DOCK2: variants seen among roughly 807,000 people sequenced by gnomAD.
DOCK2 encodes the protein dedicator of cytokinesis 2, also known as dedicator of cytokinesis protein 2.
Under a neutral mutation model 248.9 loss-of-function variants are expected in DOCK2, and 87 were observed. The observed-to-expected ratio is 0.35, with a 90% CI of 0.29 to 0.42. The LOEUF is 0.42. DOCK2 is among the 10% of genes least tolerant of loss of function. DOCK2 has a pLI of 1.00. For missense variants in DOCK2, 1,747 were observed against 2,300.2 expected, an observed-to-expected ratio of 0.76 and a Z score of 4.92; for synonymous variants, 805 against 821.6, an observed-to-expected ratio of 0.98 and a Z score of 0.35.
chr5:169,761,667 A>G lies in DOCK2; in HGVS notation c.2554+42A>G, dbSNP rs202159718. ...CTTGCTGGGGTGGGGTAAGGGGCCA[A>G]TAAACCCCACATCATTTTGGGGAAG... is the stretch of plus-strand genomic sequence containing the variant. On this transcript the variant is annotated intron_variant, in intron 25 of 51. Transcript: ENST00000520908. The G allele has an allele frequency of 6.5e-6, 10 of 1,546,222 alleles. No homozygotes were observed. In the East Asian group the frequency reaches 2.2e-4, roughly 35 times the overall value.
intron 25 of DOCK2, among the ~76,000 whole-genome samples, chr5:169,778,387 T>C (rs1042072732): frequency 6.6e-6 from 1 of 152,156 alleles, no homozygotes; most frequent in Non-Finnish European, 1.5e-5. Context: ...CTTATAAATA[T>C]TGGTTGGGCT....
chr5:169,738,221 T>G (rs1250392629), intron 22 of DOCK2, among the ~76,000 whole-genome samples: 2 of 152,190 alleles, frequency 1.3e-5, no homozygotes, highest in Admixed American at 1.3e-4. Flanking sequence ...CTTAGGAATT[T>G]TTAAAGGATT....
At chr5:170,036,232 C>T (rs1756318833) in intron 35 of DOCK2, among the ~76,000 whole-genome samples, 2 of 152,290 alleles carry the variant, frequency 1.3e-5, no homozygotes, top group East Asian at 1.9e-4. Context: ...CTCAATGCAG[C>T]AAAACACTGA....
chr5:169,922,575 A>T lies in DOCK2; in HGVS notation c.2800-60493A>T, dbSNP rs540411821. On this transcript the variant is annotated intron_variant, in intron 27 of 51. Coordinates refer to ENST00000520908, the MANE Select transcript of DOCK2 (RefSeq NM_004946.3). ...GAAAAATAACCGTTAATGGTTGAGG[A>T]TTTGCAGTTTAGAGAATATCACCTA... 3.9e-5 allele frequency among the ~76,000 whole-genome samples: 6 copies of T among 152,314 alleles called. No individual in the cohort carries two copies. The East Asian group carries it at 1.2e-3, about 29-fold the overall frequency.
intron 27 of DOCK2, among the ~76,000 whole-genome samples, chr5:169,847,769 T>C (rs1770399178): frequency 6.6e-6 from 1 of 152,198 alleles, no homozygotes. Flanking sequence ...ATGCAGAAGC[T>C]ACACATTGGC....
At position 169,857,939 on chromosome 5, in the gene DOCK2, C is replaced by T. The variant is rs570860666; in HGVS notation, c.2799+17087C>T. 8.4e-4 allele frequency among the ~76,000 whole-genome samples: 127 copies of T among 152,048 alleles called. 1 individual carries two copies. Among genetic ancestry groups the T allele is most frequent in the South Asian group, 7.7e-3 (37 of 4,802 alleles). On this transcript the variant is annotated intron_variant, in intron 27 of 51. Coordinates refer to ENST00000520908, the MANE Select transcript of DOCK2 (RefSeq NM_004946.3). ...TGATAAGTGTTAAGTTTCTGAAGATCCTTTTGGTTTTGGTGGGGAGCAGAA... is the reference window on the plus strand; with the variant it reads ...TGATAAGTGTTAAGTTTCTGAAGATTCTTTTGGTTTTGGTGGGGAGCAGAA...
At chr5:169,981,981 A>G (rs549447290) in intron 27 of DOCK2, among the ~76,000 whole-genome samples, 22 of 151,848 alleles carry the variant, frequency 1.4e-4, no homozygotes, top group Non-Finnish European at 2.6e-4. Context: ...TCTTCAAGGT[A>G]TGCCTGTATA....
chr5:169,842,772 A>G (rs1218229813), intron 27 of DOCK2, among the ~76,000 whole-genome samples: 2 of 152,140 alleles, frequency 1.3e-5, no homozygotes, highest in Non-Finnish European at 2.9e-5. Flanking sequence ...TAAGTGCTGT[A>G]TATTATTATT....
chr5:169,917,762 T>C (rs1402612254), intron 27 of DOCK2, among the ~76,000 whole-genome samples: 1 of 152,132 alleles, frequency 6.6e-6, no homozygotes, highest in Admixed American at 6.6e-5. Context: ...CAGAAAGGGA[T>C]TTTTTCTGGC....
intron 30 of DOCK2, among the ~76,000 whole-genome samples, chr5:169,996,860 G>T (rs537929114): frequency 5.3e-5 from 8 of 152,320 alleles, no homozygotes; most frequent in African/African-American, 1.4e-4. Flanking sequence ...TGGAATGATG[G>T]TGTTTTTTCC....
chr5:169,718,505 T>A, intron 21 of DOCK2, 152 bp from the exon 22 acceptor site: 1 of 753,746 alleles, frequency 1.3e-6, no homozygotes, highest in Non-Finnish European at 1.9e-6. Context: ...AAATATAATT[T>A]TTATGCAGAG....
intron 27 of DOCK2, among the ~76,000 whole-genome samples, chr5:169,981,377 T>C (rs1777930965): frequency 6.6e-6 from 1 of 152,228 alleles, no homozygotes; most frequent in African/African-American, 2.4e-5. Flanking sequence ...GCTTCACAGA[T>C]ACCTGTTTTT....
chr5:169,861,717 T>C (rs570394160), intron 27 of DOCK2, among the ~76,000 whole-genome samples: 7 of 152,290 alleles, frequency 4.6e-5, no homozygotes, highest in Admixed American at 3.9e-4. Context: ...GTTTTAAACA[T>C]AGAGACGACC....
At chr5:170,025,587 G>T (rs1200075078) in intron 33 of DOCK2, among the ~76,000 whole-genome samples, 1 of 152,136 alleles carries the variant, frequency 6.6e-6, no homozygotes, top group Non-Finnish European at 1.5e-5. Context: ...ATTTCTTCCT[G>T]CTCTAGGCTT....
intron 26 of DOCK2, among the ~76,000 whole-genome samples, chr5:169,836,969 T>G (rs386705): frequency 6.6e-6 from 1 of 151,960 alleles, no homozygotes; most frequent in Non-Finnish European, 1.5e-5. Context: ...TCAGTAGTTT[T>G]GCACTGCATT....
rs79605350 is a variant in DOCK2, at chr5:169,882,986, A to C, written c.2799+42134A>C. The stretch of plus-strand genomic sequence containing the variant: ...GAGGGGGAACTGTGAGTCCGTGGAG[A>C]TGAAGGAACACACGTTTCCTTTGAC... On this transcript the variant is annotated intron_variant, in intron 27 of 51. Coordinates refer to ENST00000520908, the MANE Select transcript of DOCK2 (RefSeq NM_004946.3). The C allele has an allele frequency of 3.2e-6, 5 of 1,551,484 alleles. No homozygotes were observed. The highest frequency in any genetic ancestry group is 4.4e-6 in the Non-Finnish European group (5 of 1,146,902).
chr5:169,728,121 C>A (rs1348579048), intron 22 of DOCK2, among the ~76,000 whole-genome samples: 1 of 152,174 alleles, frequency 6.6e-6, no homozygotes, highest in Non-Finnish European at 1.5e-5. Context: ...GAGGGCCAAG[C>A]CAGATGATCT....
chr5:169,911,116 T>C (rs1774570859), intron 27 of DOCK2, among the ~76,000 whole-genome samples: 1 of 152,244 alleles, frequency 6.6e-6, no homozygotes, highest in Admixed American at 6.5e-5. Context: ...TCTAGGTTTA[T>C]TTCTTCATTA....
intron 26 of DOCK2, among the ~76,000 whole-genome samples, chr5:169,812,352 G>A (rs772715578): frequency 3.3e-5 from 5 of 152,322 alleles, no homozygotes; most frequent in East Asian, 1.9e-4. Flanking sequence ...CCCCTGAGAC[G>A]GGACTGTCTA....
Sources: allele counts gnomAD v4.1 joint callset (sites outside exome capture counted in the v4.1 genomes callset), GRCh38; gene constraint gnomAD v4.1.1; transcripts MANE v1.5; gene names NCBI Gene and HGNC (gene_info 2026-07-23, HGNC 2026-07-21).